MBD5: variants seen among roughly 807,000 people sequenced by gnomAD.
MBD5 encodes methyl-CpG-binding domain protein 5.
A neutral mutation model predicts 117.3 loss-of-function variants in MBD5; 13 were observed. That is an observed-to-expected ratio of 0.11 (90% CI 0.07 to 0.18). The LOEUF (loss-of-function observed/expected upper bound fraction) is 0.18. MBD5 is among the 10% of genes least tolerant of loss of function. The pLI is 1.00. For missense variants in MBD5, 1,879 were observed against 2,093.8 expected, an observed-to-expected ratio of 0.90 and a Z score of 2.00; for synonymous variants, 727 against 766.4, an observed-to-expected ratio of 0.95 and a Z score of 0.85.
chr2:148,490,806 A>G, intron 11 of MBD5: 2 of 616,728 alleles, frequency 3.2e-6, no homozygotes, highest in Non-Finnish European at 5.6e-6. Flanking sequence ...TAAAGCATTT[A>G]TAGATCACAC....
At chr2:148,471,345 G>A (rs2105652568) in intron 8 of MBD5, 1 of 152,230 alleles carries the variant, frequency 6.6e-6, no homozygotes, top group Middle Eastern at 3.4e-3. Context: ...AGAGGTAAAT[G>A]TGTTGAGGCA....
At chr2:148,194,659 T>C (rs1471572627) in intron 2 of MBD5, among the ~76,000 whole-genome samples, 2 of 121,686 alleles carry the variant, frequency 1.6e-5, no homozygotes, top group Non-Finnish European at 3.5e-5. Flanking sequence ...TACCTAATGC[T>C]AGATGACACG....
chr2:148,426,745 G>C (rs939557713), intron 4 of MBD5, among the ~76,000 whole-genome samples: 7 of 152,126 alleles, frequency 4.6e-5, no homozygotes, highest in Non-Finnish European at 1.0e-4. Flanking sequence ...ACATGGGCAA[G>C]GACTTCCTGT....
chr2:148,435,756 C>T (rs1447763935), intron 4 of MBD5, among the ~76,000 whole-genome samples: 1 of 152,056 alleles, frequency 6.6e-6, no homozygotes, highest in African/African-American at 2.4e-5. Context: ...TGCAGGGGGT[C>T]TCTGCATTTA....
At chr2:148,040,288 T>A (rs1184200553) in intron 1 of MBD5, among the ~76,000 whole-genome samples, 1 of 151,948 alleles carries the variant, frequency 6.6e-6, no homozygotes, top group Non-Finnish European at 1.5e-5. Flanking sequence ...GGCCAAGAGG[T>A]CAAGACTGCA....
At position 148,446,659 on chromosome 2, in the gene MBD5, C is replaced by T. The variant is rs564717895; in HGVS notation, c.-556-11544C>T. Among the ~76,000 whole-genome samples the T allele has an allele frequency of 3.5e-4, 50 of 143,042 alleles. 1 individual carries two copies. The highest frequency in any genetic ancestry group is 1.4e-3 in the South Asian group (6 of 4,404). 93.8% of individuals were successfully genotyped at this position (143,042 alleles called of 152,430 possible). On this transcript the variant is annotated intron_variant, in intron 4 of 13. Coordinates refer to ENST00000642680, the MANE Select transcript of MBD5 (RefSeq NM_001378120.1). ...AACTGAAATACTTGAGCTTGCTATC[C>T]GAGTAAGTAACTTAATTATATCAGA...
chr2:148,093,993 AC>A (rs1696003356), intron 1 of MBD5, among the ~76,000 whole-genome samples: 1 of 152,150 alleles, frequency 6.6e-6, no homozygotes, highest in Admixed American at 6.5e-5. Context: ...TCTTGGAGAA[AC>A]TTGTTGTGTT....
intron 3 of MBD5, among the ~76,000 whole-genome samples, chr2:148,329,627 A>C (rs1326062950): frequency 6.6e-6 from 1 of 152,174 alleles, no homozygotes; most frequent in East Asian, 1.9e-4. Flanking sequence ...CAGGGCAAAA[A>C]TAGAGATTTG....
chr2:148,284,610 T>G (rs1701329437), intron 3 of MBD5, among the ~76,000 whole-genome samples: 1 of 152,160 alleles, frequency 6.6e-6, no homozygotes, highest in South Asian at 2.1e-4. Flanking sequence ...GGAGTAATTT[T>G]AAAATTAGAT....
chr2:148,089,353 G>A (rs1695878432), intron 1 of MBD5, among the ~76,000 whole-genome samples: 1 of 151,952 alleles, frequency 6.6e-6, no homozygotes, highest in Admixed American at 6.6e-5. Context: ...GGACTTAACA[G>A]ATATTTGCAG....
chr2:148,499,294 C>A (rs185984808), intron 11 of MBD5, among the ~76,000 whole-genome samples: 491 of 152,112 alleles, frequency 3.2e-3, no homozygotes, highest in Admixed American at 6.2e-3. Flanking sequence ...CAGAGCAAGA[C>A]CCTGTTAAAA....
At chr2:148,152,603 C>T (rs1315671185) in intron 1 of MBD5, among the ~76,000 whole-genome samples, 1 of 152,120 alleles carries the variant, frequency 6.6e-6, no homozygotes, top group Admixed American at 6.5e-5. Flanking sequence ...TCAGGACTTG[C>T]TTTATGAATC....
rs150339347 is a variant in MBD5 at position 148,115,644 on chromosome 2, A to T, written c.-924-63056A>T. Among the ~76,000 whole-genome samples the T allele has an allele frequency of 7.0e-3, 1,061 of 152,152 alleles. 20 individuals carry two copies. Among genetic ancestry groups the T allele is most frequent in the African/African-American group, 0.024 (1,008 of 41,506 alleles). On this transcript the variant is annotated intron_variant, in intron 1 of 13. Coordinates refer to ENST00000642680, the MANE Select transcript of MBD5 (RefSeq NM_001378120.1). ...AGAATTTTGCATACTAAGAATAGTT[A>T]CTATTTTGTGAGCTATACATATTTT...
At chr2:148,407,003 T>C (rs1705099210) in intron 4 of MBD5, among the ~76,000 whole-genome samples, 1 of 152,208 alleles carries the variant, frequency 6.6e-6, no homozygotes, top group Non-Finnish European at 1.5e-5. Context: ...TTGATCTGTA[T>C]GCACCATTAC....
At chr2:148,393,578 G>A (rs1704623967) in intron 4 of MBD5, among the ~76,000 whole-genome samples, 1 of 152,128 alleles carries the variant, frequency 6.6e-6, no homozygotes, top group East Asian at 1.9e-4. Flanking sequence ...TGATCCCTAT[G>A]CACCAACACT....
chr2:148,095,519 T>C (rs1696046770), intron 1 of MBD5, among the ~76,000 whole-genome samples: 1 of 152,122 alleles, frequency 6.6e-6, no homozygotes, highest in Admixed American at 6.5e-5. Flanking sequence ...TATAGTAATA[T>C]AGGGTGTATT....
intron 12 of MBD5, among the ~76,000 whole-genome samples, chr2:148,509,029 C>T (rs1682131643): frequency 6.6e-6 from 1 of 152,178 alleles, no homozygotes; most frequent in African/African-American, 2.4e-5. Flanking sequence ...AAACTAAATA[C>T]AACAGTAAGC....
rs1046366631 is a variant in MBD5, at chr2:148,039,090, A to C, written c.-925+17406A>C. Among the ~76,000 whole-genome samples the C allele has an allele frequency of 2.0e-5, 3 of 152,132 alleles. No homozygotes were observed. The East Asian group carries it at 5.8e-4, about 29-fold the overall frequency. ...TAATAGCTGAGAGCTGAAAACAAGTATTCTGCTTTACAACCTTAGATCTGT... is the reference window on the plus strand; with the variant it reads ...TAATAGCTGAGAGCTGAAAACAAGTCTTCTGCTTTACAACCTTAGATCTGT... On this transcript the variant is annotated intron_variant, in intron 1 of 13. Transcript: ENST00000642680.
intron 2 of MBD5, among the ~76,000 whole-genome samples, chr2:148,218,325 A>G (rs76932805): frequency 2.0e-5 from 3 of 152,040 alleles, no homozygotes; most frequent in Non-Finnish European, 4.4e-5. Context: ...TTTTTTTCTC[A>G]GTATGAACAG....
Sources: allele counts gnomAD v4.1 joint callset (sites outside exome capture counted in the v4.1 genomes callset), GRCh38; gene constraint gnomAD v4.1.1; transcripts MANE v1.5; gene names NCBI Gene and HGNC (gene_info 2026-07-23, HGNC 2026-07-21).